Variants in AFG3L2 observed in about 807,000 individuals in gnomAD.
AFG3L2 encodes the protein mitochondrial inner membrane m-AAA protease component AFG3L2.
A neutral mutation model predicts 94.5 loss-of-function variants in AFG3L2; 54 were observed. That is an observed-to-expected ratio of 0.57 (90% confidence interval 0.46 to 0.72). The LOEUF is 0.72. Among genes scored for constraint, AFG3L2 ranks in the 30% least tolerant of loss-of-function variants. The pLI is 0.00. For missense variants in AFG3L2, 754 were observed against 994.9 expected (o/e 0.76, Z 3.26); for synonymous variants, 377 against 365.5 (o/e 1.03, Z -0.36).
intron 1 of AFG3L2, among the ~76,000 whole-genome samples, chr18:12,375,376 TG>T (rs1414548971): frequency 7.0e-6 from 1 of 143,732 alleles, no homozygotes; most frequent in Non-Finnish European, 1.5e-5. Flanking sequence ...CCCGAGTTGC[TG>T]GGACTATAGT....
At chr18:12,376,096 G>A (rs1458924962) in intron 1 of AFG3L2, among the ~76,000 whole-genome samples, 2 of 152,214 alleles carry the variant, frequency 1.3e-5, no homozygotes, top group African/African-American at 4.8e-5. Context: ...CCTAAGTGCT[G>A]GGATCGCAGG....
At chr18:12,331,859 AT>A (rs1367964533) in intron 16 of AFG3L2, among the ~76,000 whole-genome samples, 25 of 142,652 alleles carry the variant, frequency 1.8e-4, no homozygotes, top group African/African-American at 6.7e-4. Context: ...ATATATATAT[AT>A]AAAACAAGGG....
chr18:12,374,517 G>A (rs756907251), intron 1 of AFG3L2, among the ~76,000 whole-genome samples: 1 of 152,144 alleles, frequency 6.6e-6, no homozygotes, highest in Non-Finnish European at 1.5e-5. Context: ...GGTGTCACTA[G>A]GCAAATCTTC....
chr18:12,340,540 C>G, intron 14 of AFG3L2, 139 bp from the exon 15 acceptor site: 1 of 739,484 alleles, frequency 1.4e-6, no homozygotes. Context: ...GGGATGTGAT[C>G]TAGCAGTGAC....
chr18:12,336,057 C>G (rs9945545), intron 16 of AFG3L2, among the ~76,000 whole-genome samples: 1 of 152,136 alleles, frequency 6.6e-6, no homozygotes, highest in Non-Finnish European at 1.5e-5. Flanking sequence ...CACTTGTTCC[C>G]GGGTGTGGGC....
intron 5 of AFG3L2, 50 bp from the exon 6 acceptor site, chr18:12,363,906 G>A (rs1908732814): frequency 7.4e-7 from 1 of 1,345,334 alleles, no homozygotes; most frequent in Non-Finnish European, 1.1e-6. Flanking sequence ...AAATACTTGA[G>A]ATACTCTTTT....
In AFG3L2 at chr18:12,337,512, T is replaced by C; in HGVS notation, c.2004A>G (p.Glu668=). The C allele has an allele frequency of 6.2e-7, 1 of 1,614,206 alleles. No homozygotes were observed. Among genetic ancestry groups the C allele is most frequent in the Non-Finnish European group, 8.5e-7 (1 of 1,180,038 alleles). Reference sequence around the variant, plus strand: ...GGTCAAAGGAGATTTGCCCAACCTTTTCATTCATGCCAAACTGAACAATCT... The same window carrying C: ...GGTCAAAGGAGATTTGCCCAACCTTCTCATTCATGCCAAACTGAACAATCT... The part of the protein sequence containing the change: ...YAQIVQFGMN[E]KVGQISFDLP... The change falls in exon 16 of 17, where the codon GAA becomes GAG. Residue 668 remains glutamate, a synonymous_variant. Transcript: ENST00000269143.
intron 12 of AFG3L2, among the ~76,000 whole-genome samples, chr18:12,349,104 T>C (rs1026304412): frequency 6.6e-6 from 1 of 152,102 alleles, no homozygotes; most frequent in Non-Finnish European, 1.5e-5. Context: ...AGGAGAGAAA[T>C]AGGGAATGGG....
At chr18:12,343,895 T>C (rs1015839720) in intron 14 of AFG3L2, 8 of 562,992 alleles carry the variant, frequency 1.4e-5, no homozygotes, top group Non-Finnish European at 2.2e-5. Context: ...AGGAGCAAAC[T>C]CTCCAGCTCT....
chr18:12,360,164 T>A, intron 6 of AFG3L2, 113 bp from the exon 7 acceptor site: 1 of 1,003,504 alleles, frequency 1.0e-6, no homozygotes, highest in Non-Finnish European at 1.5e-6. Context: ...ATTTATAAAT[T>A]AAAGAATAAA....
intron 5 of AFG3L2, among the ~76,000 whole-genome samples, chr18:12,365,486 A>AT: frequency 6.6e-6 from 1 of 152,346 alleles, no homozygotes; most frequent in East Asian, 1.9e-4. Flanking sequence ...AGATGGTGGC[A>AT]TAAGGAAGCA....
chr18:12,333,179 TATA>T (rs951869636), intron 16 of AFG3L2, among the ~76,000 whole-genome samples: 17 of 117,542 alleles, frequency 1.4e-4, no homozygotes, highest in Non-Finnish European at 2.6e-4. Flanking sequence ...TAATAGATAA[TATA>T]ATAAATAATA....
chr18:12,363,685 G>A (rs1908726135), intron 6 of AFG3L2, 97 bp downstream of exon 6: 11 of 947,570 alleles, frequency 1.2e-5, no homozygotes, highest in Non-Finnish European at 1.6e-5. Context: ...TATCTGGTGC[G>A]TATAACTCCT....
In AFG3L2 at chr18:12,367,025, CTT is replaced by C; in HGVS notation, c.490_491del (p.Lys164GlufsTer14). ...WGGVMFYLLL[K>X]RSGREITWKD... ...TCCAAGTGATTTCTCTCCCGGATCT[CTT>C]GAGCAGCAAGTAAAACATGACTCCA... On this transcript the variant is annotated frameshift_variant, in exon 5 of 17. Transcript: ENST00000269143. LOFTEE classifies it high-confidence loss of function. 1 of 1,614,210 alleles carries C rather than the reference CTT, an allele frequency of 6.2e-7. No individual in the cohort carries two copies. The highest frequency in any genetic ancestry group is 8.5e-7 in the Non-Finnish European group (1 of 1,180,042).
chr18:12,356,376 T>G (rs1908495701), intron 9 of AFG3L2, among the ~76,000 whole-genome samples: 1 of 152,196 alleles, frequency 6.6e-6, no homozygotes, highest in Admixed American at 6.5e-5. Flanking sequence ...GGTCTCGAAC[T>G]CCTGACTTCA....
chr18:12,348,984 T>G (rs1315409853), intron 12 of AFG3L2, among the ~76,000 whole-genome samples: 1 of 152,136 alleles, frequency 6.6e-6, no homozygotes, highest in Non-Finnish European at 1.5e-5. Context: ...CAAAGACAAG[T>G]AAAAAGTTAG....
At chr18:12,353,194 GAAT>G in intron 9 of AFG3L2, 36 bp from the exon 10 acceptor site, 3 of 1,610,898 alleles carry the variant, frequency 1.9e-6, no homozygotes, top group Non-Finnish European at 2.5e-6. Flanking sequence ...CCTGACCAGA[GAAT>G]ATTATGTATT....
At chr18:12,367,207 C>G in intron 4 of AFG3L2, 69 bp downstream of exon 4, 1 of 1,612,330 alleles carries the variant, frequency 6.2e-7, no homozygotes, top group Non-Finnish European at 8.5e-7. Flanking sequence ...CAACACTACA[C>G]TAATGCCTCC....
intron 3 of AFG3L2, 32 bp downstream of exon 3, chr18:12,370,817 C>A: frequency 6.9e-7 from 1 of 1,448,220 alleles, no homozygotes; most frequent in Non-Finnish European, 9.6e-7. Flanking sequence ...GGGGAAAACA[C>A]AAAATTCAAA....
Sources: allele counts gnomAD v4.1 joint callset (sites outside exome capture counted in the v4.1 genomes callset), GRCh38; gene constraint gnomAD v4.1.1; transcripts MANE v1.5; gene names NCBI Gene and HGNC (gene_info 2026-07-23, HGNC 2026-07-21).